Variants in WDFY3 observed in about 807,000 individuals in gnomAD.
WDFY3 encodes the protein WD repeat and FYVE domain-containing protein 3.
In WDFY3, 66 loss-of-function variants were observed where a neutral mutation model predicts 409.6. The observed-to-expected ratio is 0.16, with a 90% CI of 0.13 to 0.20. The LOEUF (loss-of-function observed/expected upper bound fraction) is 0.20, where lower values mean the gene tolerates loss of function less well. WDFY3 is among the 10% of genes least tolerant of loss of function. WDFY3 has a pLI of 1.00. For synonymous variants in WDFY3, 1,521 were observed against 1,537.1 expected, an observed-to-expected ratio of 0.99 and a Z score of 0.25; for missense variants, 3,031 against 4,298.1, an observed-to-expected ratio of 0.71 and a Z score of 8.24.
intron 46 of WDFY3, among the ~76,000 whole-genome samples, chr4:84,722,040 G>A (rs531350310): frequency 5.0e-4 from 76 of 152,188 alleles, no homozygotes; most frequent in African/African-American, 1.7e-3. Flanking sequence ...TCATTAAGGG[G>A]ACACCATGAA....
chr4:84,813,790 G>T (rs950486778), intron 13 of WDFY3, among the ~76,000 whole-genome samples: 5 of 152,148 alleles, frequency 3.3e-5, no homozygotes, highest in Admixed American at 2.6e-4. Context: ...AAAAAAGTTG[G>T]CAACCTTAGC....
intron 4 of WDFY3, among the ~76,000 whole-genome samples, chr4:84,857,665 T>C (rs1759955116): frequency 6.6e-6 from 1 of 152,224 alleles, no homozygotes; most frequent in Non-Finnish European, 1.5e-5. Flanking sequence ...CATAGTTCTC[T>C]CTCCCATTTT....
intron 3 of WDFY3, among the ~76,000 whole-genome samples, chr4:84,867,524 C>T (rs1043522623): frequency 5.9e-5 from 9 of 152,188 alleles, no homozygotes; most frequent in Non-Finnish European, 1.5e-5. Flanking sequence ...GGACTGCCAG[C>T]AGGGGCTTAT....
chr4:84,817,071 T>A (rs986934867), intron 13 of WDFY3, among the ~76,000 whole-genome samples: 1 of 152,176 alleles, frequency 6.6e-6, no homozygotes, highest in African/African-American at 2.4e-5. Flanking sequence ...CACAGATGCA[T>A]AACACTATGA....
At chr4:84,760,536 A>G (rs1278275995) in intron 32 of WDFY3, among the ~76,000 whole-genome samples, 2 of 152,040 alleles carry the variant, frequency 1.3e-5, no homozygotes, top group Non-Finnish European at 2.9e-5. Flanking sequence ...GTCTTGGGAG[A>G]GTGTATGTGT....
chr4:84,761,906 C>A (rs1265835339), intron 32 of WDFY3, among the ~76,000 whole-genome samples: 1 of 152,138 alleles, frequency 6.6e-6, no homozygotes, highest in Non-Finnish European at 1.5e-5. Context: ...ATCAAAACCA[C>A]AATGAGATAT....
chr4:84,950,180 T>A (rs1773422760), intron 1 of WDFY3, among the ~76,000 whole-genome samples: 1 of 150,314 alleles, frequency 6.7e-6, no homozygotes. Flanking sequence ...TTCTCATTCA[T>A]AAGTGGGAGT....
At chr4:84,812,698 T>C (rs1320763946) in intron 13 of WDFY3, among the ~76,000 whole-genome samples, 1 of 152,148 alleles carries the variant, frequency 6.6e-6, no homozygotes, top group Non-Finnish European at 1.5e-5. Context: ...CTGGTTAGAA[T>C]TATGACTGAG....
At chr4:84,709,401 A>G (rs1732517897) in intron 51 of WDFY3, 54 bp from the exon 52 acceptor site, 1 of 1,527,984 alleles carries the variant, frequency 6.5e-7, no homozygotes, top group Non-Finnish European at 8.9e-7. Context: ...TTAAATCTGA[A>G]AAATTATAAA....
rs372154003 is a variant in WDFY3 at position 84,821,105 on chromosome 4, T to C, written c.1570A>G (p.Thr524Ala). The C allele has an allele frequency of 6.2e-7, 1 of 1,611,800 alleles. No individual in the cohort carries two copies. The highest frequency in any genetic ancestry group is 8.5e-7 in the Non-Finnish European group (1 of 1,179,110). ...HKYAALLKDP[T>A]QALNEQGDSR... ...TTACCTTGTTCATTTAGTGCCTGAG[T>C]TGGATCCTTCAACAGGGCAGCATAT... Residue 524 changes from threonine to alanine, a missense_variant, in exon 11 of 68, where the codon ACT (threonine) becomes GCT (alanine). Transcript: ENST00000295888.
At chr4:84,858,322 G>A (rs192420053) in intron 4 of WDFY3, among the ~76,000 whole-genome samples, 57 of 152,188 alleles carry the variant, frequency 3.7e-4, no homozygotes, top group African/African-American at 1.3e-3. Flanking sequence ...AGTTCCTTAC[G>A]AGGAAGAAGA....
chr4:84,858,969 T>C (rs959594594), intron 4 of WDFY3, among the ~76,000 whole-genome samples: 2 of 149,486 alleles, frequency 1.3e-5, no homozygotes, highest in African/African-American at 2.5e-5. Flanking sequence ...ATGAAAGGCA[T>C]AGAGAGAGAC....
At chr4:84,898,236 T>C (rs1350323984) in intron 2 of WDFY3, among the ~76,000 whole-genome samples, 1 of 152,208 alleles carries the variant, frequency 6.6e-6, no homozygotes, top group African/African-American at 2.4e-5. Flanking sequence ...CACAGAAAGT[T>C]ACATTGGACA....
In WDFY3 at chr4:84,743,713, A is replaced by G. The variant is rs951862762; in HGVS notation, c.6060T>C (p.Ala2020=). 6.4e-7 allele frequency: 1 copy of G among 1,573,876 alleles called. No homozygotes were observed. Among genetic ancestry groups the G allele is most frequent in the Non-Finnish European group, 8.7e-7 (1 of 1,155,958 alleles). Reference sequence around the variant, plus strand: ...ACACAGAATTACCTAATAACACATCAGCTGCAAGCAAATGGTCCATCACGC... The same window carrying G: ...ACACAGAATTACCTAATAACACATCGGCTGCAAGCAAATGGTCCATCACGC... ...LDSVMDHLLA[A]DVLLGEDASL... Residue 2020 remains alanine, a synonymous_variant, in exon 37 of 68, where the codon GCT becomes GCC. Coordinates refer to ENST00000295888, the MANE Select transcript of WDFY3 (RefSeq NM_014991.6).
At chr4:84,841,297 G>C in intron 5 of WDFY3, 34 bp from the exon 6 acceptor site, 2 of 1,573,522 alleles carry the variant, frequency 1.3e-6, no homozygotes, top group Non-Finnish European at 1.7e-6. Flanking sequence ...TTAAGTGGGG[G>C]AAAAGTCACA....
chr4:84,817,288 T>G (rs569936323), intron 13 of WDFY3, 104 bp downstream of exon 13: 1 of 1,433,286 alleles, frequency 7.0e-7, no homozygotes, highest in East Asian at 2.3e-5. Context: ...CTTGGGTAAT[T>G]TGGATTTTTT....
chr4:84,696,284 A>G (rs910268321), intron 57 of WDFY3, 102 bp from the exon 58 acceptor site: 2 of 1,081,152 alleles, frequency 1.8e-6, no homozygotes, highest in African/African-American at 3.2e-5. Flanking sequence ...AAATAACTAA[A>G]AATCATAAAA....
chr4:84,690,483 G>T, intron 61 of WDFY3, 23 bp downstream of exon 61: 1 of 1,613,844 alleles, frequency 6.2e-7, no homozygotes, highest in Non-Finnish European at 8.5e-7. Context: ...GTCCTTCTTG[G>T]CATTTTCTAT....
intron 1 of WDFY3, among the ~76,000 whole-genome samples, chr4:84,953,030 G>A (rs1204062710): frequency 2.0e-5 from 3 of 151,604 alleles, no homozygotes; most frequent in Non-Finnish European, 4.4e-5. Context: ...AAACAACCTT[G>A]GTATCCCTCA....
Sources: allele counts gnomAD v4.1 joint callset (sites outside exome capture counted in the v4.1 genomes callset), GRCh38; gene constraint gnomAD v4.1.1; transcripts MANE v1.5; gene names NCBI Gene and HGNC (gene_info 2026-07-23, HGNC 2026-07-21).